Variants in SHISA6 observed in about 807,000 individuals in gnomAD.
The protein encoded by SHISA6 is protein shisa-6.
In SHISA6, 22 loss-of-function variants were observed where a neutral mutation model predicts 47.9. The observed-to-expected ratio is 0.46, with a 90% confidence interval of 0.33 to 0.66. The LOEUF (loss-of-function observed/expected upper bound fraction) is 0.66, where lower values mean the gene tolerates loss of function less well. SHISA6 is among the 30% of genes least tolerant of loss of function. The pLI is 0.02. For missense variants in SHISA6, 680 were observed against 764.6 expected (o/e 0.89, Z 1.30); for synonymous variants, 388 against 337.8 (o/e 1.15, Z -1.63).
At chr17:11,543,935 AG>A (rs1671190793) in intron 3 of SHISA6, among the ~76,000 whole-genome samples, 4 of 150,728 alleles carry the variant, frequency 2.7e-5, no homozygotes, top group African/African-American at 7.3e-5. Context: ...AACAAAAAAA[AG>A]AACTTCAATG....
rs116201571 is a variant in SHISA6, at chr17:11,282,757, G to A, written c.799+19231G>A. Among the ~76,000 whole-genome samples the A allele has an allele frequency of 6.1e-3, 935 of 152,212 alleles. 9 individuals are homozygous for A. Among genetic ancestry groups the A allele is most frequent in the African/African-American group, 0.022 (898 of 41,518 alleles). ...CACTGCATATTCACCATTGTAACCC[G>A]GAGAGACAAATGAATAAGCATCTGT... On this transcript the variant is annotated intron_variant, in intron 2 of 5. Transcript: ENST00000441885.
intron 2 of SHISA6, among the ~76,000 whole-genome samples, chr17:11,331,033 A>G (rs1421005880): frequency 6.6e-6 from 1 of 152,220 alleles, no homozygotes; most frequent in Non-Finnish European, 1.5e-5. Flanking sequence ...TGTTTTGCTT[A>G]TAAGAACTGG....
At chr17:11,461,149 G>C (rs1192201054) in intron 3 of SHISA6, among the ~76,000 whole-genome samples, 1 of 152,174 alleles carries the variant, frequency 6.6e-6, no homozygotes, top group African/African-American at 2.4e-5. Context: ...TGTAATCCCA[G>C]CACTTCAGGA....
chr17:11,369,613 A>G (rs1289949281), intron 2 of SHISA6, among the ~76,000 whole-genome samples: 4 of 152,246 alleles, frequency 2.6e-5, no homozygotes, highest in African/African-American at 9.6e-5. Context: ...TAGAGCCATG[A>G]GGTCTAACCT....
At chr17:11,478,906 T>A (rs909971885) in intron 3 of SHISA6, among the ~76,000 whole-genome samples, 1 of 151,002 alleles carries the variant, frequency 6.6e-6, no homozygotes, top group Non-Finnish European at 1.5e-5. Context: ...CGATGCGGGC[T>A]CTTTTTTGGT....
In SHISA6 at chr17:11,340,796, A is replaced by C. The variant is rs1425156585; in HGVS notation, c.800-38618A>C. Among the ~76,000 whole-genome samples, 3 of 152,232 alleles carry C rather than the reference A, an allele frequency of 2.0e-5. No individual in the cohort carries two copies. In the East Asian group the frequency reaches 5.8e-4, roughly 29 times the overall value. On this transcript the variant is annotated intron_variant, in intron 2 of 5. Coordinates refer to ENST00000441885, the MANE Select transcript of SHISA6 (RefSeq NM_207386.4). ...TCACAGACAGTTTCTTGAAGCACTG[A>C]ACTAGAATAGTGGACACTGCAGTGA...
intron 3 of SHISA6, among the ~76,000 whole-genome samples, chr17:11,493,518 T>TAATTG (rs1193623292): frequency 6.6e-6 from 1 of 152,190 alleles, no homozygotes; most frequent in African/African-American, 2.4e-5. Flanking sequence ...TGAGCCACTG[T>TAATTG]GCCAGGCCAA....
At chr17:11,290,795 A>C (rs1909504685) in intron 2 of SHISA6, 1 of 152,024 alleles carries the variant, frequency 6.6e-6, no homozygotes, top group Admixed American at 6.6e-5. Context: ...CAAAACAATT[A>C]AATATTGTCA....
At chr17:11,382,698 T>C (rs1913052475) in intron 3 of SHISA6, among the ~76,000 whole-genome samples, 1 of 152,194 alleles carries the variant, frequency 6.6e-6, no homozygotes, top group Admixed American at 6.5e-5. Context: ...TCCTCCAGCC[T>C]CCTGGTGGCA....
intron 3 of SHISA6, among the ~76,000 whole-genome samples, chr17:11,406,483 C>T (rs1401327938): frequency 6.6e-6 from 1 of 152,228 alleles, no homozygotes; most frequent in Non-Finnish European, 1.5e-5. Flanking sequence ...TGCCTTTGGA[C>T]ATCACCTTCC....
intron 3 of SHISA6, among the ~76,000 whole-genome samples, chr17:11,527,132 C>G (rs1261279099): frequency 6.6e-6 from 1 of 152,004 alleles, no homozygotes; most frequent in Non-Finnish European, 1.5e-5. Flanking sequence ...AATAGGCCAG[C>G]TTCTGGCTTG....
intron 2 of SHISA6, among the ~76,000 whole-genome samples, chr17:11,373,450 T>C (rs1205257424): frequency 2.0e-5 from 3 of 152,164 alleles, no homozygotes; most frequent in African/African-American, 7.2e-5. Flanking sequence ...CTACCCAGCA[T>C]AGGAAATGAA....
At chr17:11,247,914 A>G (rs1907653949) in intron 1 of SHISA6, among the ~76,000 whole-genome samples, 1 of 151,860 alleles carries the variant, frequency 6.6e-6, no homozygotes, top group African/African-American at 2.4e-5. Flanking sequence ...AGCTAGGACT[A>G]CAGGCGCCCG....
At chr17:11,287,492 C>T (rs1909351190) in intron 2 of SHISA6, among the ~76,000 whole-genome samples, 1 of 150,804 alleles carries the variant, frequency 6.6e-6, no homozygotes. Context: ...TGGAGACCAT[C>T]TTAGGCAAAA....
intron 2 of SHISA6, among the ~76,000 whole-genome samples, chr17:11,284,680 A>G (rs1408064207): frequency 6.6e-6 from 1 of 152,210 alleles, no homozygotes; most frequent in Non-Finnish European, 1.5e-5. Flanking sequence ...GTTCTCTATA[A>G]TAAAATAATT....
chr17:11,477,622 A>C (rs1253583638), intron 3 of SHISA6, among the ~76,000 whole-genome samples: 2 of 124,510 alleles, frequency 1.6e-5, no homozygotes, highest in Non-Finnish European at 3.1e-5. Flanking sequence ...TCCTGTGTCC[A>C]TGTGATCTCA....
chr17:11,295,700 A>G (rs1909727657), intron 2 of SHISA6, among the ~76,000 whole-genome samples: 1 of 152,162 alleles, frequency 6.6e-6, no homozygotes, highest in Non-Finnish European at 1.5e-5. Context: ...GCGGTGGCTC[A>G]TGCCTGTAAT....
chr17:11,278,586 G>A (rs573340702), intron 2 of SHISA6, among the ~76,000 whole-genome samples: 4 of 152,220 alleles, frequency 2.6e-5, no homozygotes, highest in African/African-American at 9.6e-5. Context: ...TGATATGGAC[G>A]TTGCCTCAGC....
intron 3 of SHISA6, among the ~76,000 whole-genome samples, chr17:11,473,452 C>G (rs1915975953): frequency 6.6e-6 from 1 of 152,006 alleles, no homozygotes; most frequent in Non-Finnish European, 1.5e-5. Flanking sequence ...AGGGGAGAAA[C>G]ACTGTTCCTC....
Sources: gnomAD v4.1 joint callset for allele counts (sites outside exome capture counted in the v4.1 genomes callset) on GRCh38, gnomAD v4.1.1 for gene constraint, MANE v1.5 for transcripts, NCBI Gene and HGNC (gene_info 2026-07-23, HGNC 2026-07-21) for gene names.